SPMIP2: variants seen among roughly 807,000 people sequenced by gnomAD.
SPMIP2 encodes sperm microtubule inner protein 2.
the SPMIP2 span, among the ~76,000 whole-genome samples, chr4:159,039,003 G>A: frequency 1.3e-5 from 2 of 152,084 alleles, no homozygotes; most frequent in Non-Finnish European, 1.5e-5. Context: ...TTTTGAGGCA[G>A]AGTCTCACTG....
At chr4:159,058,287 T>C in the SPMIP2 span, among the ~76,000 whole-genome samples, 1 of 151,522 alleles carries the variant, frequency 6.6e-6, no homozygotes, top group Admixed American at 6.6e-5. Context: ...GCAACTAGGG[T>C]GAAAGGGGAC....
chr4:158,913,748 G>A, the SPMIP2 span, among the ~76,000 whole-genome samples: 1 of 151,290 alleles, frequency 6.6e-6, no homozygotes, highest in African/African-American at 2.4e-5. Flanking sequence ...TGGGAGGATT[G>A]TTTGAACCCA....
At chr4:159,081,736 T>C in the SPMIP2 span, among the ~76,000 whole-genome samples, 2 of 152,128 alleles carry the variant, frequency 1.3e-5, no homozygotes, top group African/African-American at 4.8e-5. Flanking sequence ...AAAATGTGAT[T>C]TTAAAGCTGT....
chr4:159,067,134 C>T, the SPMIP2 span, among the ~76,000 whole-genome samples: 7 of 151,930 alleles, frequency 4.6e-5, no homozygotes, highest in African/African-American at 1.7e-4. Flanking sequence ...ATTCAGATAA[C>T]AGAACGACTG....
the SPMIP2 span, among the ~76,000 whole-genome samples, chr4:159,049,856 G>T: frequency 5.7e-3 from 863 of 152,258 alleles, 8 homozygotes; most frequent in African/African-American, 0.02. Flanking sequence ...GTCATAGAGA[G>T]CTCAAATATA....
At chr4:159,063,049 G>C in the SPMIP2 span, among the ~76,000 whole-genome samples, 1 of 151,982 alleles carries the variant, frequency 6.6e-6, no homozygotes, top group Non-Finnish European at 1.5e-5. Flanking sequence ...ACTGTATAAA[G>C]ACACTATCAT....
the SPMIP2 span, among the ~76,000 whole-genome samples, chr4:158,971,894 TAG>T: frequency 6.6e-6 from 1 of 152,178 alleles, no homozygotes; most frequent in African/African-American, 2.4e-5. Context: ...GATAGAAATT[TAG>T]ATGATCCTGT....
At chr4:159,004,784 T>C in the SPMIP2 span, among the ~76,000 whole-genome samples, 1 of 152,286 alleles carries the variant, frequency 6.6e-6, no homozygotes, top group African/African-American at 2.4e-5. Context: ...CTGTTTTTTT[T>C]ACCATAATTA....
the SPMIP2 span, among the ~76,000 whole-genome samples, chr4:159,055,610 T>C: frequency 6.6e-6 from 1 of 152,084 alleles, no homozygotes; most frequent in South Asian, 2.1e-4. Flanking sequence ...ATTGAGGAGC[T>C]GAGGCTGGAG....
the SPMIP2 span, among the ~76,000 whole-genome samples, chr4:158,978,296 C>T: frequency 6.6e-6 from 1 of 152,072 alleles, no homozygotes; most frequent in African/African-American, 2.4e-5. Flanking sequence ...GTTATGATTT[C>T]TGATCTTTTG....
the SPMIP2 span, among the ~76,000 whole-genome samples, chr4:159,068,190 G>C: frequency 6.6e-6 from 1 of 152,256 alleles, no homozygotes; most frequent in South Asian, 2.1e-4. Flanking sequence ...AAATCATGCT[G>C]CTATAAAGAC....
the SPMIP2 span, among the ~76,000 whole-genome samples, chr4:158,920,262 T>G: frequency 6.6e-6 from 1 of 152,148 alleles, no homozygotes; most frequent in African/African-American, 2.4e-5. Flanking sequence ...AACATGTGTA[T>G]TTGAACAATA....
chr4:158,947,348 G>A, the SPMIP2 span, among the ~76,000 whole-genome samples: 197 of 152,182 alleles, frequency 1.3e-3, no homozygotes, highest in Non-Finnish European at 2.3e-3. Context: ...TTTAACAACT[G>A]GTTTTGGCAG....
At chr4:158,934,036 CTAA>C in the SPMIP2 span, among the ~76,000 whole-genome samples, 1 of 152,104 alleles carries the variant, frequency 6.6e-6, no homozygotes, top group Non-Finnish European at 1.5e-5. Context: ...TCTCATCTTT[CTAA>C]TAATTTCTTA....
the SPMIP2 span, among the ~76,000 whole-genome samples, chr4:158,950,575 C>T: frequency 6.6e-5 from 10 of 152,228 alleles, no homozygotes; most frequent in East Asian, 1.9e-4. Flanking sequence ...GAAGACCAAT[C>T]GGCAATGGAA....
the SPMIP2 span, among the ~76,000 whole-genome samples, chr4:158,921,281 A>G: frequency 6.6e-6 from 1 of 152,190 alleles, no homozygotes; most frequent in African/African-American, 2.4e-5. Context: ...TCTACTAAAA[A>G]TACAAAAATA....
the SPMIP2 span, among the ~76,000 whole-genome samples, chr4:158,948,961 A>G: frequency 6.6e-6 from 1 of 152,164 alleles, no homozygotes. Context: ...ATTTTCTTGT[A>G]TTATTTCCTT....
the SPMIP2 span, among the ~76,000 whole-genome samples, chr4:158,933,584 A>T: frequency 2.4e-4 from 37 of 152,284 alleles, no homozygotes; most frequent in Non-Finnish European, 4.4e-4. Context: ...AGATAAAATC[A>T]TCTCTTTTCA....
At chr4:158,956,607 C>T in the SPMIP2 span, among the ~76,000 whole-genome samples, 7 of 152,244 alleles carry the variant, frequency 4.6e-5, no homozygotes, top group African/African-American at 1.7e-4. Context: ...ATCCAAACCC[C>T]GATCAATAGG....
Sources: allele counts gnomAD v4.1 joint callset (sites outside exome capture counted in the v4.1 genomes callset), GRCh38; gene constraint gnomAD v4.1.1; transcripts MANE v1.5; gene names NCBI Gene and HGNC (gene_info 2026-07-23, HGNC 2026-07-21).